The following TTN variants were observed in gnomAD, a reference collection of about 807,000 sequenced individuals.
TTN encodes titin.
Under a neutral mutation model 3,223.0 loss-of-function variants are expected in TTN, and 1,525 were observed. The observed-to-expected ratio is 0.47, with a 90% CI of 0.45 to 0.49. The LOEUF (loss-of-function observed/expected upper bound fraction) is 0.49. Among genes scored for constraint, TTN ranks in the 20% least tolerant of loss-of-function variants. The pLI, the probability that TTN is intolerant of heterozygous loss-of-function variation, is 0.00. For missense variants in TTN, 40,786 were observed against 43,424.0 expected (o/e 0.94, Z 5.40); for synonymous variants, 14,094 against 15,161.0 (o/e 0.93, Z 5.17).
rs769439457 is a variant in TTN, at chr2:178,564,169, A to G, written c.81963T>C (p.Ala27321=). 6.2e-7 allele frequency: 1 copy of G among 1,613,788 alleles called. No homozygotes were observed. Among genetic ancestry groups the G allele is most frequent in the Admixed American group, 1.7e-5 (1 of 60,010 alleles). ...KDGKELEETA[A]RMEIKSTIQK... is the part of the protein sequence containing the mutation. ...GAATAGTAGATTTAATTTCCATTCT[A>G]GCAGCTGTTTCTTCAAGTTCTTTTC... Residue 27321 remains alanine (A), a synonymous_variant, in exon 326 of 363, where the codon GCT becomes GCC. Coordinates refer to ENST00000589042, the MANE Select transcript of TTN (RefSeq NM_001267550.2).
chr2:178,565,816 A>C lies in TTN; in HGVS notation c.80316T>G (p.Val26772=). The change falls in exon 326 of 363, where the codon GTT becomes GTG. Residue 26772 remains valine, a synonymous_variant. Coordinates refer to ENST00000589042, the MANE Select transcript of TTN (RefSeq NM_001267550.2). ...GAGGTTCAGCAGCTTTCACGGCATC[A>C]ACAGTTTCCACTGGAACACCAACTC... is the stretch of plus-strand genomic sequence containing the variant. ...EFGVGVPVET[V]DAVKAAEPPS... 1 of 1,613,648 alleles carries C rather than the reference A, an allele frequency of 6.2e-7. No homozygotes were observed. Among genetic ancestry groups the C allele is most frequent in the Non-Finnish European group, 8.5e-7 (1 of 1,179,662 alleles).
chr2:178,682,626 T>G, intron 135 of TTN, 71 bp downstream of exon 135: 1 of 1,337,840 alleles, frequency 7.5e-7, no homozygotes, highest in Non-Finnish European at 1.0e-6. Context: ...CTTGTTATGA[T>G]TTATCTTGTT....
chr2:178,543,360 C>T lies in TTN; in HGVS notation c.96613G>A (p.Val32205Met), dbSNP rs372312129. ...DAVLVSEVPLVPAKLEVVDVT... is the reference protein window; with the variant it reads ...DAVLVSEVPLMPAKLEVVDVT... ...TCGACCACTTCTAGCTTTGCAGGCA[C>T]CAAAGGCACTTCTGAGACCAGTACT... is the stretch of plus-strand genomic sequence containing the variant. The change falls in exon 347 of 363, where the codon GTG (valine) becomes ATG (methionine). Residue 32205 changes from valine to methionine, a missense_variant. Val to Met is a conservative substitution (Grantham distance 21). Transcript: ENST00000589042. 6.2e-7 allele frequency: 1 copy of T among 1,613,828 alleles called. No homozygotes were observed. Among genetic ancestry groups the T allele is most frequent in the Non-Finnish European group, 8.5e-7 (1 of 1,179,810 alleles).
In TTN at chr2:178,546,655, G is replaced by A. The variant is rs897518524; in HGVS notation, c.94773C>T (p.Gly31591=). Residue 31591 remains glycine, a synonymous_variant, in exon 341 of 363, where the codon GGC becomes GGT. Coordinates refer to ENST00000589042, the MANE Select transcript of TTN (RefSeq NM_001267550.2). ...TAGATTCAGACCCTTTGCTAATTAC[G>A]CCTGCTGCATTCTTGGCTAACACAC... ...EFRVLAKNAA[G]VISKGSESTG... is the part of the protein sequence containing the mutation. 3.7e-6 allele frequency: 6 copies of A among 1,613,502 alleles called. No homozygotes were observed. Among genetic ancestry groups the A allele is most frequent in the East Asian group, 4.5e-5 (2 of 44,856 alleles).
At position 178,794,472 on chromosome 2, in the gene TTN, A is replaced by C. The variant is rs528684003; in HGVS notation, c.1325T>G (p.Val442Gly). The change falls in exon 8 of 363, where the codon GTG becomes GGG. Residue 442 changes from valine to glycine, a missense_variant. Physicochemically the swap from Val to Gly is moderately radical, Grantham distance 109. Coordinates refer to ENST00000589042, the MANE Select transcript of TTN (RefSeq NM_001267550.2). ...AVDMARVREP[V>G]ISAVEQTAQR... ...AGCAGTCTGCTCTACAGCGCTGATC[A>C]CTGGTTCTCTCACTCTGGCCATATC... 3.1e-6 allele frequency: 5 copies of C among 1,614,228 alleles called. No individual in the cohort carries two copies. In the Admixed American group the frequency reaches 8.3e-5, roughly 27 times the overall value.
At position 178,607,208 on chromosome 2, in the gene TTN, GC is replaced by G. The variant is rs794729324; in HGVS notation, c.53393del (p.Gly17798AlafsTer18). 4.3e-6 allele frequency: 7 copies of G among 1,612,846 alleles called. No individual in the cohort carries two copies. The highest frequency in any genetic ancestry group is 5.9e-6 in the Non-Finnish European group (7 of 1,179,302). On this transcript the variant is annotated frameshift_variant, in exon 278 of 363. Coordinates refer to ENST00000589042, the MANE Select transcript of TTN (RefSeq NM_001267550.2). LOFTEE classifies it high-confidence loss of function. The part of the protein sequence containing the change: ...PEDDGGSEIT[G>X]FIIERKDAKM... ...TGGCATCTTTTCTTTCAATGATAAA[GC>G]CTGTTATTTCACTTCCTCCATCATC...
intron 295 of TTN, among the ~76,000 whole-genome samples, chr2:178,595,297 CAAAAAG>C (rs1473571695): frequency 6.7e-6 from 1 of 148,614 alleles, no homozygotes; most frequent in South Asian, 2.2e-4. Flanking sequence ...AAAAAAAAAA[CAAAAAG>C]AAATTCAATG....
intron 41 of TTN, among the ~76,000 whole-genome samples, chr2:178,765,740 C>A (rs766515668): frequency 6.6e-6 from 1 of 152,138 alleles, no homozygotes; most frequent in Non-Finnish European, 1.5e-5. Context: ...CTAGGTTAGA[C>A]TCAAAACAAG....
At chr2:178,746,544 C>T (rs759681547) in intron 47 of TTN, 10 of 1,613,168 alleles carry the variant, frequency 6.2e-6, no homozygotes, top group Non-Finnish European at 8.5e-6. Flanking sequence ...TGATGTGTTA[C>T]TGGAGGTGGT....
chr2:178,800,425 C>A lies in TTN; in HGVS notation c.553G>T (p.Ala185Ser), dbSNP rs2094001955. The change falls in exon 4 of 363, where the codon GCT becomes TCT. Residue 185 changes from alanine (A) to serine (S), a missense_variant. By Grantham distance (99) the Ala-to-Ser change is moderately conservative. Coordinates refer to ENST00000589042, the MANE Select transcript of TTN (RefSeq NM_001267550.2). ...SVNATNSVGR[A>S]TSTAELLVQG... is the part of the protein sequence containing the mutation. ...ACCAGTAATTCAGCAGTCGAAGTAG[C>A]TCTTCCAACGCTATTGGTGGCATTT... The A allele has an allele frequency of 6.2e-7, 1 of 1,614,058 alleles. No homozygotes were observed. Among genetic ancestry groups the A allele is most frequent in the African/African-American group, 1.3e-5 (1 of 74,924 alleles).
At position 178,533,824 on chromosome 2, in the gene TTN, A is replaced by G; in HGVS notation, c.102791T>C (p.Leu34264Pro). 6.2e-7 allele frequency: 1 copy of G among 1,613,980 alleles called. No individual in the cohort carries two copies. The highest frequency in any genetic ancestry group is 1.1e-5 in the South Asian group (1 of 91,082). The change falls in exon 358 of 363, where the codon CTC (leucine) becomes CCC (proline). Residue 34264 changes from leucine to proline, a missense_variant. Coordinates refer to ENST00000589042, the MANE Select transcript of TTN (RefSeq NM_001267550.2). ...ACCTACATAAGCTGTCTTATTATAG[A>G]GAGGCAGGGTAAATTCTGGTGGCCT... Reference protein sequence around the residue: ...LERPPEFTLPLYNKTAYVGEN... With the variant: ...LERPPEFTLPPYNKTAYVGEN...
chr2:178,806,988 T>C (rs1159356362), intron 1 of TTN, among the ~76,000 whole-genome samples: 6 of 152,202 alleles, frequency 3.9e-5, no homozygotes, highest in Admixed American at 3.9e-4. Context: ...ATTTGAATCA[T>C]GGAATCATTT....
chr2:178,617,172 A>T lies in TTN; in HGVS notation c.47823T>A (p.Gly15941=). Residue 15941 remains glycine, a synonymous_variant, in exon 255 of 363, where the codon GGT becomes GGA. Coordinates refer to ENST00000589042, the MANE Select transcript of TTN (RefSeq NM_001267550.2). The stretch of plus-strand genomic sequence containing the variant: ...CAAGAATTTCAGATGGATCTGAAAC[A>T]CCAGCTTTATTTTCTGCAGATACTC... ...LYRVSAENKA[G]VSDPSEILGP... The T allele has an allele frequency of 5.0e-6, 8 of 1,601,852 alleles. No individual in the cohort carries two copies. The highest frequency in any genetic ancestry group is 6.8e-6 in the Non-Finnish European group (8 of 1,173,650).
At position 178,590,890 on chromosome 2, in the gene TTN, C is replaced by G. The variant is rs2050067416; in HGVS notation, c.60835G>C (p.Val20279Leu). Residue 20279 changes from valine (V) to leucine (L), a missense_variant, in exon 304 of 363, where the codon GTG (valine) becomes CTG (leucine). Transcript: ENST00000589042. The stretch of plus-strand genomic sequence containing the variant: ...GCATTTTCAGTAATGTCAGTAACCA[C>G]TGGTTTACCAGGAGGAGACGGAGGA... ...FSPPSPPGKP[V>L]VTDITENAAT... The G allele has an allele frequency of 6.2e-7, 1 of 1,611,490 alleles. No individual in the cohort carries two copies. The highest frequency in any genetic ancestry group is 8.5e-7 in the Non-Finnish European group (1 of 1,177,970).
chr2:178,768,794 G>A lies in TTN; in HGVS notation c.9042C>T (p.Cys3014=), dbSNP rs757883471. 1.2e-6 allele frequency: 2 copies of A among 1,614,066 alleles called. No individual in the cohort carries two copies. The highest frequency in any genetic ancestry group is 1.7e-6 in the Non-Finnish European group (2 of 1,180,004). ...GTGTGAGCTTTTTGGTTCTCATCTGGCACTTGTCAGTTGATTTGATTTCCA... is the reference window on the plus strand; with the variant it reads ...GTGTGAGCTTTTTGGTTCTCATCTGACACTTGTCAGTTGATTTGATTTCCA... ...NGVEIKSTDK[C]QMRTKKLTHS... is the part of the protein sequence containing the mutation. Residue 3014 remains cysteine, a synonymous_variant, in exon 38 of 363, where the codon TGC becomes TGT. Transcript: ENST00000589042.
rs397517786 is a variant in TTN, at chr2:178,534,187, A to G, written c.102428T>C (p.Met34143Thr). ...TCCTCCTTCTTCACCAACTGCATGC[A>G]TTATCTGCCCAGAAACTGGGCCAAT... ...IEIGPVSGQI[M>T]HAVGEEGGHV... Residue 34143 changes from methionine to threonine, a missense_variant, in exon 358 of 363, where the codon ATG becomes ACG. Coordinates refer to ENST00000589042, the MANE Select transcript of TTN (RefSeq NM_001267550.2). The G allele has an allele frequency of 1.2e-4, 196 of 1,613,820 alleles. No homozygotes were observed. The highest frequency in any genetic ancestry group is 1.6e-4 in the Middle Eastern group (1 of 6,084).
Position 178,693,673 on chromosome 2 carries a change from C to T in TTN, c.31530G>A (p.Lys10510=). 6.3e-7 allele frequency: 1 copy of T among 1,598,380 alleles called. No homozygotes were observed. The highest frequency in any genetic ancestry group is 8.6e-7 in the Non-Finnish European group (1 of 1,169,312). ...GAATTTTCTCTTCAGTAACAATTTCCTTTTGTACCTCGGGGACTTAAAAAA... is the reference window on the plus strand; with the variant it reads ...GAATTTTCTCTTCAGTAACAATTTCTTTTTGTACCTCGGGGACTTAAAAAA... ...EVSVTVPEVQ[K]EIVTEEKIHV... The change falls in exon 119 of 363, where the codon AAG becomes AAA. Residue 10510 remains lysine (K), a synonymous_variant. Transcript: ENST00000589042.
intron 15 of TTN, 106 bp from the exon 16 acceptor site, chr2:178,784,457 G>A (rs1468980738): frequency 2.1e-5 from 28 of 1,351,100 alleles, no homozygotes; most frequent in Non-Finnish European, 2.8e-5. Context: ...GTTCTTTAAT[G>A]TTCTCATTAG....
intron 80 of TTN, 46 bp downstream of exon 80, chr2:178,720,339 C>A: frequency 6.3e-7 from 1 of 1,591,446 alleles, no homozygotes. Flanking sequence ...TAGGCAAGAA[C>A]AGATAGGAGG....
Sources: gnomAD v4.1 joint callset for allele counts (sites outside exome capture counted in the v4.1 genomes callset) on GRCh38, gnomAD v4.1.1 for gene constraint, MANE v1.5 for transcripts, NCBI Gene and HGNC (gene_info 2026-07-23, HGNC 2026-07-21) for gene names.